The following GNAQ variants were observed in gnomAD, a reference collection of about 807,000 sequenced individuals.
GNAQ encodes G protein subunit alpha q, also known as guanine nucleotide-binding protein G(q) subunit alpha.
Under a neutral mutation model 43.9 loss-of-function variants are expected in GNAQ, and 8 were observed. The observed-to-expected ratio is 0.18, with a 90% CI of 0.11 to 0.33. The LOEUF (loss-of-function observed/expected upper bound fraction) is 0.33. Among genes scored for constraint, GNAQ ranks in the 10% least tolerant of loss-of-function variants. The pLI is 1.00. For missense variants in GNAQ, 158 were observed against 450.8 expected, an observed-to-expected ratio of 0.35 and a Z score of 5.88; for synonymous variants, 155 against 170.7, an observed-to-expected ratio of 0.91 and a Z score of 0.71.
At chr9:77,806,917 T>C (rs1285181884) in intron 3 of GNAQ, among the ~76,000 whole-genome samples, 3 of 152,138 alleles carry the variant, frequency 2.0e-5, no homozygotes, top group Non-Finnish European at 4.4e-5. Context: ...AAAAGAGAGC[T>C]TCCAGTGATT....
intron 2 of GNAQ, among the ~76,000 whole-genome samples, chr9:77,862,874 C>T (rs1794706089): frequency 6.6e-6 from 1 of 152,178 alleles, no homozygotes; most frequent in South Asian, 2.1e-4. Flanking sequence ...TTCTTGAAGG[C>T]TTTGCTGCTT....
intron 1 of GNAQ, among the ~76,000 whole-genome samples, chr9:77,990,190 G>A (rs545332518): frequency 1.3e-5 from 2 of 152,222 alleles, no homozygotes; most frequent in South Asian, 2.1e-4. Flanking sequence ...TGGAATTGGA[G>A]GATTCTTGTT....
intron 5 of GNAQ, among the ~76,000 whole-genome samples, chr9:77,738,434 C>G (rs1825605434): frequency 6.6e-6 from 1 of 152,082 alleles, no homozygotes; most frequent in South Asian, 2.1e-4. Context: ...TTTTTTCTAT[C>G]ATAAAATTAA....
intron 2 of GNAQ, among the ~76,000 whole-genome samples, chr9:77,861,109 T>G (rs909836172): frequency 1.3e-5 from 2 of 152,134 alleles, no homozygotes; most frequent in Admixed American, 1.3e-4. Context: ...ACAATCATGA[T>G]GGAAGGCAAG....
At chr9:77,988,267 A>G (rs778153230) in intron 1 of GNAQ, among the ~76,000 whole-genome samples, 6 of 152,242 alleles carry the variant, frequency 3.9e-5, no homozygotes, top group Admixed American at 6.5e-5. Context: ...GAGGAATAAC[A>G]CAGTTGCTTT....
At chr9:77,959,160 G>A (rs932649606) in intron 1 of GNAQ, among the ~76,000 whole-genome samples, 1 of 152,136 alleles carries the variant, frequency 6.6e-6, no homozygotes, top group South Asian at 2.1e-4. Context: ...ACGCATTAAA[G>A]AGAACCCATT....
At chr9:77,876,764 A>G (rs1026444896) in intron 2 of GNAQ, among the ~76,000 whole-genome samples, 1 of 152,226 alleles carries the variant, frequency 6.6e-6, no homozygotes, top group African/African-American at 2.4e-5. Context: ...GACTTGCCCC[A>G]GGTCACTCAG....
intron 3 of GNAQ, among the ~76,000 whole-genome samples, chr9:77,814,992 G>A (rs1257531090): frequency 1.3e-5 from 2 of 152,138 alleles, no homozygotes; most frequent in African/African-American, 4.8e-5. Flanking sequence ...TAGATTTCTA[G>A]GATGTAAATC....
At chr9:77,870,670 T>A (rs1448152389) in intron 2 of GNAQ, among the ~76,000 whole-genome samples, 1 of 152,048 alleles carries the variant, frequency 6.6e-6, no homozygotes. Context: ...CTCACTCCAG[T>A]CACATTCTTC....
intron 1 of GNAQ, among the ~76,000 whole-genome samples, chr9:78,009,225 T>C (rs973761809): frequency 1.2e-4 from 18 of 152,218 alleles, no homozygotes; most frequent in Admixed American, 1.0e-3. Flanking sequence ...TATCAACTGG[T>C]TGGCAACCTA....
chr9:77,896,683 T>C (rs1183597354), intron 2 of GNAQ, among the ~76,000 whole-genome samples: 1 of 152,232 alleles, frequency 6.6e-6, no homozygotes, highest in Non-Finnish European at 1.5e-5. Flanking sequence ...GGACATGCAC[T>C]AACAACATTT....
intron 2 of GNAQ, among the ~76,000 whole-genome samples, chr9:77,827,018 T>C (rs1827207993): frequency 6.6e-6 from 1 of 152,202 alleles, no homozygotes; most frequent in South Asian, 2.1e-4. Context: ...AAAATGCCAT[T>C]TTAAATTCTC....
intron 5 of GNAQ, among the ~76,000 whole-genome samples, chr9:77,735,419 T>G (rs1825562327): frequency 1.3e-5 from 2 of 152,190 alleles, no homozygotes; most frequent in African/African-American, 4.8e-5. Context: ...CTGAACATAC[T>G]CTCTCAGGTA....
chr9:77,809,079 T>C (rs1280979136), intron 3 of GNAQ, among the ~76,000 whole-genome samples: 4 of 152,172 alleles, frequency 2.6e-5, no homozygotes, highest in Non-Finnish European at 5.9e-5. Flanking sequence ...AAATTCAACA[T>C]GGCACATAAT....
intron 1 of GNAQ, among the ~76,000 whole-genome samples, chr9:77,957,963 T>A (rs1022325204): frequency 1.3e-5 from 2 of 152,206 alleles, no homozygotes; most frequent in Non-Finnish European, 2.9e-5. Context: ...GGCATTTTTC[T>A]TACAAGATCA....
chr9:77,776,687 G>A (rs1826310588), intron 5 of GNAQ, among the ~76,000 whole-genome samples: 1 of 152,104 alleles, frequency 6.6e-6, no homozygotes, highest in Non-Finnish European at 1.5e-5. Flanking sequence ...CAAAAAGGCA[G>A]AATATCCACA....
intron 1 of GNAQ, among the ~76,000 whole-genome samples, chr9:78,029,180 C>T (rs1433646754): frequency 6.6e-6 from 1 of 152,038 alleles, no homozygotes; most frequent in African/African-American, 2.4e-5. Flanking sequence ...TAACTCTTAG[C>T]TGCTGGGAAA....
chr9:77,768,533 C>T (rs1366797152), intron 5 of GNAQ, among the ~76,000 whole-genome samples: 1 of 152,164 alleles, frequency 6.6e-6, no homozygotes, highest in African/African-American at 2.4e-5. Context: ...AGGCTTTCCC[C>T]TTCTTGCCAC....
chr9:77,955,331 C>T (rs1018590282), intron 1 of GNAQ, among the ~76,000 whole-genome samples: 4 of 151,982 alleles, frequency 2.6e-5, no homozygotes, highest in African/African-American at 4.8e-5. Flanking sequence ...TTAAGAGAGA[C>T]GGGATTTCAC....
Sources: allele counts gnomAD v4.1 joint callset (sites outside exome capture counted in the v4.1 genomes callset), GRCh38; gene constraint gnomAD v4.1.1; transcripts MANE v1.5; gene names NCBI Gene and HGNC (gene_info 2026-07-23, HGNC 2026-07-21).